Variants in FBXW8 observed in about 807,000 individuals in gnomAD.
FBXW8 encodes F-box and WD repeat domain containing 8, also known as F-box/WD repeat-containing protein 8.
Under a neutral mutation model 65.3 loss-of-function variants are expected in FBXW8, and 57 were observed. The observed-to-expected ratio is 0.87, with a 90% CI of 0.71 to 1.09. FBXW8 has a LOEUF of 1.09. Among genes scored for constraint, FBXW8 ranks in the 50% least tolerant of loss-of-function variants. The pLI is 0.00. For synonymous variants in FBXW8, 308 were observed against 330.2 expected (o/e 0.93, Z 0.73); for missense variants, 777 against 814.8 (o/e 0.95, Z 0.57).
At chr12:117,010,497 C>T in intron 8 of FBXW8, 47 bp downstream of exon 8, 1 of 1,613,146 alleles carries the variant, frequency 6.2e-7, no homozygotes, top group Admixed American at 1.7e-5. Flanking sequence ...TGGCTTCTGC[C>T]AAGGCCCGGC....
At chr12:117,010,301 C>G (rs1020849970) in intron 7 of FBXW8, 22 bp from the exon 8 acceptor site, 1 of 1,614,036 alleles carries the variant, frequency 6.2e-7, no homozygotes, top group African/African-American at 1.3e-5. Context: ...TGTGGGCCCA[C>G]ACATTTCTCT....
rs1954319575 is a variant in FBXW8 at position 117,029,888 on chromosome 12, GGT to G, written c.*1719_*1720del. The G allele has an allele frequency of 1.3e-5, 2 of 151,656 alleles. No homozygotes were observed. Among genetic ancestry groups the G allele is most frequent in the African/African-American group, 4.8e-5 (2 of 41,240 alleles). 9.4% of individuals were successfully genotyped at this position (151,656 alleles called of 1,614,324 possible). ...AGCCTCCCAAAGTGCTGGGATTACA[GGT>G]GTAAGTCACTGTACCCAGCCCAAAA... On this transcript the variant is annotated 3_prime_UTR_variant, in exon 11 of 11. Coordinates refer to ENST00000652555, the MANE Select transcript of FBXW8 (RefSeq NM_153348.3).
intron 1 of FBXW8, among the ~76,000 whole-genome samples, chr12:116,923,822 G>A (rs183177151): frequency 1.4e-4 from 21 of 152,222 alleles, no homozygotes; most frequent in Admixed American, 6.5e-4. Context: ...CCAAGTTCAC[G>A]CCGTTCTTCT....
At chr12:116,949,552 C>T in intron 3 of FBXW8, 66 bp from the exon 4 acceptor site, 1 of 1,444,578 alleles carries the variant, frequency 6.9e-7, no homozygotes, top group Non-Finnish European at 9.7e-7. Context: ...GGTGAAAAAG[C>T]ACGATGCTTG....
chr12:116,926,579 C>T (rs1432987436), intron 1 of FBXW8, among the ~76,000 whole-genome samples: 1 of 152,108 alleles, frequency 6.6e-6, no homozygotes, highest in African/African-American at 2.4e-5. Flanking sequence ...GACATTAAAC[C>T]AATGACTTTC....
intron 7 of FBXW8, among the ~76,000 whole-genome samples, chr12:117,000,831 A>G (rs1340800672): frequency 6.6e-6 from 1 of 152,250 alleles, no homozygotes; most frequent in Non-Finnish European, 1.5e-5. Context: ...AGAGAATATT[A>G]TAAATATTAG....
intron 5 of FBXW8, among the ~76,000 whole-genome samples, chr12:116,976,974 T>G (rs1410160495): frequency 6.6e-6 from 1 of 152,166 alleles, no homozygotes; most frequent in Non-Finnish European, 1.5e-5. Flanking sequence ...ATTGGGCTCT[T>G]GTGATCCACT....
chr12:116,941,429 T>C (rs929201260), intron 2 of FBXW8, among the ~76,000 whole-genome samples: 1 of 152,224 alleles, frequency 6.6e-6, no homozygotes, highest in Non-Finnish European at 1.5e-5. Context: ...CCATGCGAAG[T>C]GTCCATGCCT....
chr12:117,021,280 TTCTTA>T (rs551633296), intron 8 of FBXW8, among the ~76,000 whole-genome samples: 30 of 152,260 alleles, frequency 2.0e-4, no homozygotes, highest in Non-Finnish European at 4.3e-4. Flanking sequence ...GAATTGCTTT[TTCTTA>T]TCTTTTCTGT....
In FBXW8 at chr12:117,028,111, G is replaced by T; in HGVS notation, c.1736G>T (p.Cys579Phe). The change falls in exon 11 of 11, where the codon TGT becomes TTT. Residue 579 changes from cysteine (C) to phenylalanine (F), a missense_variant. Cys to Phe is a radical substitution (Grantham distance 205). Transcript: ENST00000652555. This position sits in a 1 kb window ranked among gnomAD's most constrained non-coding sequence, Gnocchi z 4.1. Reference sequence around the variant, plus strand: ...CCTCTCCCTGTCTGCCGTTCATCCTGTGACGCCATGGCCACTCACTACTAC... The same window carrying T: ...CCTCTCCCTGTCTGCCGTTCATCCTTTGACGCCATGGCCACTCACTACTAC... ...QSPLPVCRSS[C>F]DAMATHYYDL... 1.2e-6 allele frequency: 2 copies of T among 1,614,154 alleles called. No homozygotes were observed.
intron 4 of FBXW8, among the ~76,000 whole-genome samples, chr12:116,963,595 C>A (rs1193130324): frequency 6.6e-6 from 1 of 152,134 alleles, no homozygotes; most frequent in Non-Finnish European, 1.5e-5. Flanking sequence ...CAGAGTGAGA[C>A]CCTGTCTCAA....
intron 2 of FBXW8, among the ~76,000 whole-genome samples, chr12:116,934,453 C>T (rs925511022): frequency 1.3e-5 from 2 of 152,036 alleles, no homozygotes; most frequent in African/African-American, 2.4e-5. Context: ...TTTGTGCCCA[C>T]AGGATTCCTG....
chr12:116,924,820 C>G (rs1881193343), intron 1 of FBXW8, among the ~76,000 whole-genome samples: 1 of 152,204 alleles, frequency 6.6e-6, no homozygotes, highest in Non-Finnish European at 1.5e-5. Flanking sequence ...GCTCACAACT[C>G]TGCCTCTTGT....
intron 2 of FBXW8, among the ~76,000 whole-genome samples, chr12:116,938,479 C>T (rs1209172715): frequency 5.3e-5 from 8 of 152,176 alleles, no homozygotes; most frequent in South Asian, 4.1e-4. Flanking sequence ...AGTTTTTCAT[C>T]CTGTAACCCT....
At chr12:116,925,266 G>A (rs1031496557) in intron 1 of FBXW8, among the ~76,000 whole-genome samples, 57 of 152,104 alleles carry the variant, frequency 3.7e-4, no homozygotes, top group Non-Finnish European at 2.1e-4. Flanking sequence ...CAACCTGGGT[G>A]AGTCAGCTTG....
chr12:116,943,026 C>G (rs1372912884), intron 2 of FBXW8, among the ~76,000 whole-genome samples: 1 of 152,040 alleles, frequency 6.6e-6, no homozygotes, highest in African/African-American at 2.4e-5. Flanking sequence ...ATCTACCCAC[C>G]TCAGCCTCCC....
intron 7 of FBXW8, among the ~76,000 whole-genome samples, chr12:116,999,449 G>C (rs919934095): frequency 6.6e-6 from 1 of 152,322 alleles, no homozygotes; most frequent in African/African-American, 2.4e-5. Flanking sequence ...CTGTTTGCTT[G>C]GGTTTGAACT....
intron 4 of FBXW8, among the ~76,000 whole-genome samples, chr12:116,957,351 T>A (rs1172657265): frequency 2.0e-5 from 3 of 152,054 alleles, no homozygotes; most frequent in African/African-American, 7.2e-5. Context: ...CAAAAAAAAT[T>A]TTTTTTTAAA....
Position 116,974,179 on chromosome 12 carries a change from T to C in FBXW8, c.835+9325T>C, listed in dbSNP as rs145245704. On this transcript the variant is annotated intron_variant, in intron 5 of 10. Transcript: ENST00000652555. ...TGGATAGAATTTGTGGGCCAGAGTA[T>C]TGGGGAAGAGGGAGCTCCCAGAGGG... is the stretch of plus-strand genomic sequence containing the variant. 1.4e-4 allele frequency among the ~76,000 whole-genome samples: 21 copies of C among 152,252 alleles called. No individual in the cohort carries two copies. In the East Asian group the frequency reaches 3.1e-3, roughly 22 times the overall value.
Sources: gnomAD v4.1 joint callset for allele counts (sites outside exome capture counted in the v4.1 genomes callset) on GRCh38, gnomAD v4.1.1 for gene constraint, Gnocchi (gnomAD v3.1) non-coding constraint, MANE v1.5 for transcripts, NCBI Gene and HGNC (gene_info 2026-07-23, HGNC 2026-07-21) for gene names.